APH1B: variants seen among roughly 807,000 people sequenced by gnomAD.
APH1B encodes the protein aph-1B gamma-secretase subunit.
In APH1B, 27 loss-of-function variants were observed where a neutral mutation model predicts 28.2. That is an observed-to-expected ratio of 0.96 (90% confidence interval 0.70 to 1.32). The LOEUF (loss-of-function observed/expected upper bound fraction) is 1.32, where lower values mean the gene tolerates loss of function less well. Ranked by LOEUF, APH1B falls within the 40% of genes most tolerant of loss-of-function variation. The probability of loss-of-function intolerance (pLI) is 0.00; values close to 1 mark genes in which losing one functional copy is unlikely to be tolerated. For synonymous variants in APH1B, 141 were observed against 124.6 expected, an observed-to-expected ratio of 1.13 and a Z score of -0.88; for missense variants, 305 against 313.6, an observed-to-expected ratio of 0.97 and a Z score of 0.21.
intron 4 of APH1B, among the ~76,000 whole-genome samples, chr15:63,296,232 G>A (rs1458265493): frequency 6.6e-6 from 1 of 152,180 alleles, no homozygotes; most frequent in Non-Finnish European, 1.5e-5. Context: ...GATGGATGGA[G>A]GAGTGTCTCC....
chr15:63,284,298 C>T (rs1249546949), intron 2 of APH1B, among the ~76,000 whole-genome samples: 1 of 151,224 alleles, frequency 6.6e-6, no homozygotes, highest in African/African-American at 2.4e-5. Flanking sequence ...ACTGCAGCCT[C>T]CACCTCCTTG....
At chr15:63,305,405 C>T (rs1031428120) in intron 5 of APH1B, among the ~76,000 whole-genome samples, 2 of 152,190 alleles carry the variant, frequency 1.3e-5, no homozygotes, top group African/African-American at 4.8e-5. Context: ...GGGTTACCAT[C>T]TGAATACAGC....
At chr15:63,296,616 A>ATAT (rs1380440127) in intron 4 of APH1B, among the ~76,000 whole-genome samples, 2 of 151,410 alleles carry the variant, frequency 1.3e-5, no homozygotes, top group African/African-American at 4.8e-5. Context: ...CATTTGGGGT[A>ATAT]TATTCAGGAA....
Position 63,278,481 on chromosome 15 carries a change from G to A in APH1B, c.114-680G>A, listed in dbSNP as rs561640440. 1.3e-5 allele frequency: 5 copies of A among 380,292 alleles called. No homozygotes were observed. The East Asian group carries it at 3.0e-4, about 23-fold the overall frequency. The allele number at this position is 380,292 out of a possible 1,614,324, so 23.6% of individuals were successfully genotyped here. A position where few individuals can be genotyped will look rare whatever the true frequency, so the allele number is the denominator to read the frequency against. Reference sequence around the variant, plus strand: ...AGGCCAATGATTCCCGCTTTTCTGCGTTTCTTCACCTCCCACAAACGTATT... The same window carrying A: ...AGGCCAATGATTCCCGCTTTTCTGCATTTCTTCACCTCCCACAAACGTATT... On this transcript the variant is annotated intron_variant, in intron 1 of 5. Coordinates refer to ENST00000261879, the MANE Select transcript of APH1B (RefSeq NM_031301.4).
intron 2 of APH1B, among the ~76,000 whole-genome samples, chr15:63,281,590 T>C (rs1385883081): frequency 6.6e-6 from 1 of 151,776 alleles, no homozygotes; most frequent in Non-Finnish European, 1.5e-5. Context: ...ATTTAAAGTT[T>C]AGGACTTGTA....
At chr15:63,280,272 C>CA (rs1785980584) in intron 2 of APH1B, among the ~76,000 whole-genome samples, 1 of 152,170 alleles carries the variant, frequency 6.6e-6, no homozygotes, top group South Asian at 2.1e-4. Flanking sequence ...CTCTAGGACT[C>CA]ACGAGGACCT....
At chr15:63,290,007 GA>G (rs78177590) in intron 4 of APH1B, among the ~76,000 whole-genome samples, 4,937 of 131,726 alleles carry the variant, frequency 0.037, 115 homozygotes, top group East Asian at 0.13. Context: ...TGTTTCAAGA[GA>G]AAAAAAAAAA....
chr15:63,302,625 AC>A, intron 5 of APH1B, 153 bp downstream of exon 5: 1 of 1,036,854 alleles, frequency 9.6e-7, no homozygotes, highest in Non-Finnish European at 1.3e-6. Context: ...TGTAAGTCTT[AC>A]CACAAAAAGA....
At chr15:63,285,339 A>C (rs550030460) in intron 2 of APH1B, among the ~76,000 whole-genome samples, 1 of 152,240 alleles carries the variant, frequency 6.6e-6, no homozygotes. Flanking sequence ...TTAATTGTCT[A>C]TTCTTAGAGT....
chr15:63,286,782 G>T (rs1197819397), intron 3 of APH1B, among the ~76,000 whole-genome samples, 154 bp downstream of exon 3: 1 of 152,116 alleles, frequency 6.6e-6, no homozygotes, highest in Non-Finnish European at 1.5e-5. Context: ...CGTCTTCCAG[G>T]TTCCTTTTGT....
intron 2 of APH1B, among the ~76,000 whole-genome samples, chr15:63,282,909 G>A (rs2038404359): frequency 6.6e-6 from 1 of 152,182 alleles, no homozygotes; most frequent in South Asian, 2.1e-4. Flanking sequence ...TAGAACAAAT[G>A]AGAAAGATGG....
chr15:63,288,919 C>G (rs1481103690), intron 4 of APH1B, among the ~76,000 whole-genome samples: 2 of 152,082 alleles, frequency 1.3e-5, no homozygotes, highest in Non-Finnish European at 2.9e-5. Flanking sequence ...TAACACGGCT[C>G]TCTCTCCCTG....
intron 2 of APH1B, among the ~76,000 whole-genome samples, chr15:63,284,410 C>T (rs1399185309): frequency 6.6e-6 from 1 of 152,072 alleles, no homozygotes; most frequent in Non-Finnish European, 1.5e-5. Context: ...GATGGGGATT[C>T]ACCATGTTGC....
rs147054852 is a variant in APH1B at position 63,309,093 on chromosome 15, A to G, written c.*3312A>G. On this transcript the variant is annotated 3_prime_UTR_variant, in exon 6 of 6. Coordinates refer to ENST00000261879, the MANE Select transcript of APH1B (RefSeq NM_031301.4). ...GACTCTTTGCAGACCTGCATTTTTC[A>G]GTGAACAATAAAAAGATTGTCTGGC... 6.6e-6 allele frequency: 1 copy of G among 152,302 alleles called. No individual in the cohort carries two copies. Among genetic ancestry groups the G allele is most frequent in the African/African-American group, 2.4e-5 (1 of 41,556 alleles). 9.4% of individuals were successfully genotyped at this position (152,302 alleles called of 1,614,324 possible). A position where few individuals can be genotyped will look rare whatever the true frequency, so the allele number is the denominator to read the frequency against.
chr15:63,284,887 A>G (rs2038429758), intron 2 of APH1B, among the ~76,000 whole-genome samples: 2 of 152,208 alleles, frequency 1.3e-5, no homozygotes, highest in African/African-American at 4.8e-5. Context: ...TTTATAGAAA[A>G]CAGAAATCTT....
intron 2 of APH1B, among the ~76,000 whole-genome samples, chr15:63,281,845 G>T (rs1483555657): frequency 5.9e-5 from 9 of 151,870 alleles, no homozygotes. Flanking sequence ...GGCAGGAAAG[G>T]AGTAGGACCA....
At chr15:63,288,471 G>A (rs760527863) in intron 4 of APH1B, among the ~76,000 whole-genome samples, 3 of 152,162 alleles carry the variant, frequency 2.0e-5, no homozygotes, top group African/African-American at 7.2e-5. Flanking sequence ...TTCCATTTCA[G>A]TTCAGGCCTT....
intron 1 of APH1B, chr15:63,278,462 A>G (rs1268863804): frequency 1.3e-5 from 5 of 398,558 alleles, no homozygotes; most frequent in Admixed American, 3.2e-5. Context: ...GACTAGGCCA[A>G]TGATTCCCGC....
chr15:63,277,858 T>A, intron 1 of APH1B, 122 bp downstream of exon 1: 1 of 954,502 alleles, frequency 1.0e-6, no homozygotes, highest in South Asian at 1.6e-5. Flanking sequence ...GGGAGGAGGG[T>A]TGAGAGGGGG....
Sources: gnomAD v4.1 joint callset for allele counts (sites outside exome capture counted in the v4.1 genomes callset) on GRCh38, gnomAD v4.1.1 for gene constraint, MANE v1.5 for transcripts, NCBI Gene and HGNC (gene_info 2026-07-23, HGNC 2026-07-21) for gene names.